Variants in MAD1L1 observed in about 807,000 individuals in gnomAD.
The protein encoded by MAD1L1 is mitotic arrest deficient 1 like 1, also known as mitotic spindle assembly checkpoint protein MAD1.
MAD1L1 carries 95 observed loss-of-function variants against 96.9 expected under a neutral mutation model. That is an observed-to-expected ratio of 0.98 (90% confidence interval 0.83 to 1.16). The LOEUF (loss-of-function observed/expected upper bound fraction) is 1.16, where lower values mean the gene tolerates loss of function less well. MAD1L1 is among the 50% of genes most tolerant of loss of function. The probability of loss-of-function intolerance (pLI) is 0.00; values close to 1 mark genes in which losing one functional copy is unlikely to be tolerated. For synonymous variants in MAD1L1, 473 were observed against 396.6 expected (o/e 1.19, Z -2.29); for missense variants, 1,007 against 954.4 (o/e 1.06, Z -0.73).
At chr7:2,003,599 C>T (rs1781900785) in intron 13 of MAD1L1, among the ~76,000 whole-genome samples, 1 of 152,120 alleles carries the variant, frequency 6.6e-6, no homozygotes, top group African/African-American at 2.4e-5. Context: ...AGCACCTGAG[C>T]CTCCCAAGCC....
At chr7:2,174,897 T>C (rs963535745) in intron 10 of MAD1L1, among the ~76,000 whole-genome samples, 4 of 152,206 alleles carry the variant, frequency 2.6e-5, no homozygotes, top group Non-Finnish European at 5.9e-5. Context: ...CTCCTTCAGA[T>C]GTCTAGGAGG....
chr7:1,933,273 C>T (rs1789585581), intron 17 of MAD1L1, among the ~76,000 whole-genome samples: 1 of 152,218 alleles, frequency 6.6e-6, no homozygotes, highest in Non-Finnish European at 1.5e-5. Flanking sequence ...CACGGTTTTC[C>T]CCAGGGAGCG....
In MAD1L1 at chr7:1,950,893, C is replaced by T. The variant is rs114875523; in HGVS notation, c.1596+6736G>A. Among the ~76,000 whole-genome samples the T allele has an allele frequency of 3.2e-3, 487 of 152,386 alleles. 4 individuals are homozygous for T. Among genetic ancestry groups the T allele is most frequent in the African/African-American group, 0.011 (440 of 41,594 alleles). On this transcript the variant is annotated intron_variant, in intron 16 of 18. Coordinates refer to ENST00000265854, the MANE Select transcript of MAD1L1 (RefSeq NM_001013836.2). ...GCACATCGCCTGCCCCATCTGCAGA[C>T]GAGGCATCTACCTGAGCTCCCACCA...
At chr7:2,123,953 C>A (rs1010985926) in intron 11 of MAD1L1, among the ~76,000 whole-genome samples, 19 of 147,582 alleles carry the variant, frequency 1.3e-4, no homozygotes, top group African/African-American at 5.1e-4. Flanking sequence ...GCAAAGGCAG[C>A]CCAGGCAGCA....
At chr7:2,073,075 G>A (rs529540992) in intron 11 of MAD1L1, among the ~76,000 whole-genome samples, 93 of 152,186 alleles carry the variant, frequency 6.1e-4, no homozygotes, top group African/African-American at 2.0e-3. Flanking sequence ...CTTCCCTCAG[G>A]CCCACATCCC....
chr7:1,853,378 G>A (rs1784080561), intron 18 of MAD1L1, among the ~76,000 whole-genome samples: 1 of 152,164 alleles, frequency 6.6e-6, no homozygotes, highest in Non-Finnish European at 1.5e-5. Context: ...GAGCGGAGGT[G>A]GAGGGGCCTG....
intron 17 of MAD1L1, among the ~76,000 whole-genome samples, chr7:1,917,802 G>C (rs1583780842): frequency 6.6e-6 from 1 of 152,192 alleles, no homozygotes; most frequent in South Asian, 2.1e-4. Context: ...ACTTCTGCCA[G>C]ACACAGCAGG....
chr7:2,124,188 G>A (rs940632769), intron 11 of MAD1L1, among the ~76,000 whole-genome samples: 3 of 152,238 alleles, frequency 2.0e-5, no homozygotes, highest in African/African-American at 7.2e-5. Flanking sequence ...CAAGGCAGGA[G>A]GGGCAGGCCA....
chr7:1,973,390 G>A (rs141435770), intron 15 of MAD1L1, among the ~76,000 whole-genome samples: 136 of 152,298 alleles, frequency 8.9e-4, no homozygotes, highest in African/African-American at 2.9e-3. Flanking sequence ...CGCGGAGTGC[G>A]GACGTGCACC....
chr7:1,888,274 C>G (rs1786276405), intron 18 of MAD1L1, among the ~76,000 whole-genome samples: 2 of 122,634 alleles, frequency 1.6e-5, no homozygotes, highest in Admixed American at 1.8e-4. Context: ...GTGCAGCTGC[C>G]TGTGCATGTG....
In MAD1L1 at chr7:2,046,542, G is replaced by A. The variant is rs562796607; in HGVS notation, c.1218+22652C>T. 5.3e-5 allele frequency among the ~76,000 whole-genome samples: 8 copies of A among 152,250 alleles called. No individual in the cohort carries two copies. The South Asian group carries it at 1.2e-3, about 24-fold the overall frequency. On this transcript the variant is annotated intron_variant, in intron 12 of 18. Coordinates refer to ENST00000265854, the MANE Select transcript of MAD1L1 (RefSeq NM_001013836.2). ...TTTGGAAGGGTGAAGTTCAAGAACT[G>A]TGCAAATCCTCTTATTTTTCTGGAG...
chr7:1,818,813 G>T (rs1412229718), intron 18 of MAD1L1, among the ~76,000 whole-genome samples: 1 of 151,250 alleles, frequency 6.6e-6, no homozygotes, highest in Non-Finnish European at 1.5e-5. Flanking sequence ...CCGGCCTCAG[G>T]CGGCTCTGGA....
intron 14 of MAD1L1, among the ~76,000 whole-genome samples, chr7:1,989,170 G>A (rs1029341969): frequency 2.0e-5 from 3 of 152,196 alleles, no homozygotes; most frequent in African/African-American, 7.2e-5. Flanking sequence ...TCAGGGTAAC[G>A]CAAACAAAGC....
At chr7:1,854,274 G>A (rs1239140959) in intron 18 of MAD1L1, 1 of 407,632 alleles carries the variant, frequency 2.5e-6, no homozygotes, top group Non-Finnish European at 4.9e-6. Flanking sequence ...CTGGGGCTGG[G>A]AGTGGCTGAG....
In MAD1L1 at chr7:2,228,136, C is replaced by T. The variant is rs144257150; in HGVS notation, c.150+1848G>A. Among the ~76,000 whole-genome samples, 196 of 152,246 alleles carry T rather than the reference C, an allele frequency of 1.3e-3. 2 individuals are homozygous for T. The highest frequency in any genetic ancestry group is 4.5e-3 in the African/African-American group (186 of 41,544). On this transcript the variant is annotated intron_variant, in intron 3 of 18. Coordinates refer to ENST00000265854, the MANE Select transcript of MAD1L1 (RefSeq NM_001013836.2). ...CCACCTTGCTCTGACTACCGCACTCCATCACTGATCCCCTCACCGAGAGGC... is the reference window on the plus strand; with the variant it reads ...CCACCTTGCTCTGACTACCGCACTCTATCACTGATCCCCTCACCGAGAGGC...
chr7:2,079,622 A>C (rs1340377795), intron 11 of MAD1L1: 2 of 470,734 alleles, frequency 4.2e-6, no homozygotes, highest in Non-Finnish European at 8.8e-6. Flanking sequence ...AAATGTGAGA[A>C]GGAAAATTGC....
chr7:2,180,808 G>GT (rs1791166274), intron 10 of MAD1L1, among the ~76,000 whole-genome samples: 1 of 152,092 alleles, frequency 6.6e-6, no homozygotes, highest in African/African-American at 2.4e-5. Context: ...TATTCTTTCA[G>GT]TTTTTTAATG....
At chr7:2,117,658 C>T (rs371496173) in intron 11 of MAD1L1, among the ~76,000 whole-genome samples, 15 of 152,296 alleles carry the variant, frequency 9.8e-5, no homozygotes, top group African/African-American at 3.4e-4. Flanking sequence ...TGTTTGCTTC[C>T]CCTTCCACTA....
chr7:1,895,305 G>A (rs1786797133), intron 18 of MAD1L1, among the ~76,000 whole-genome samples: 1 of 152,162 alleles, frequency 6.6e-6, no homozygotes. Context: ...TACTCCTGTG[G>A]GTCAGACGTA....
Sources: allele counts gnomAD v4.1 joint callset (sites outside exome capture counted in the v4.1 genomes callset), GRCh38; gene constraint gnomAD v4.1.1; transcripts MANE v1.5; gene names NCBI Gene and HGNC (gene_info 2026-07-23, HGNC 2026-07-21).